The following SCFD2 variants were observed in gnomAD, a reference collection of about 807,000 sequenced individuals.
The protein encoded by SCFD2 is sec1 family domain containing 2.
SCFD2 carries 54 observed loss-of-function variants against 58.9 expected under a neutral mutation model. That is an observed-to-expected ratio of 0.92 (90% CI 0.74 to 1.15). The LOEUF (loss-of-function observed/expected upper bound fraction) is 1.15, where lower values mean the gene tolerates loss of function less well. Among genes scored for constraint, SCFD2 ranks in the 50% most tolerant of loss-of-function variants. SCFD2 has a pLI of 0.00. For missense variants in SCFD2, 805 were observed against 836.6 expected (o/e 0.96, Z 0.47); for synonymous variants, 321 against 335.9 (o/e 0.96, Z 0.49).
chr4:53,232,867 T>A (rs1444111245), intron 4 of SCFD2, among the ~76,000 whole-genome samples: 1 of 152,170 alleles, frequency 6.6e-6, no homozygotes, highest in Non-Finnish European at 1.5e-5. Context: ...GTGAGTCCTT[T>A]AACTTCAAAG....
chr4:53,209,368 C>T (rs1405447489), intron 4 of SCFD2, among the ~76,000 whole-genome samples: 2 of 152,028 alleles, frequency 1.3e-5, no homozygotes, highest in Non-Finnish European at 1.5e-5. Context: ...CTCAATGTAT[C>T]CTTAGGGAAC....
At chr4:53,166,377 A>C (rs1276556681) in intron 4 of SCFD2, among the ~76,000 whole-genome samples, 1 of 152,246 alleles carries the variant, frequency 6.6e-6, no homozygotes, top group Non-Finnish European at 1.5e-5. Flanking sequence ...TGTGGCAAAA[A>C]GGAAAAAAAA....
intron 3 of SCFD2, among the ~76,000 whole-genome samples, chr4:53,290,536 A>G (rs1731806355): frequency 6.6e-6 from 1 of 152,120 alleles, no homozygotes; most frequent in Non-Finnish European, 1.5e-5. Context: ...CGAAATAAAT[A>G]GCCTAACATT....
At chr4:53,271,302 AACACACACACACGC>A in intron 4 of SCFD2, among the ~76,000 whole-genome samples, 1 of 150,046 alleles carries the variant, frequency 6.7e-6, no homozygotes, top group African/African-American at 2.4e-5. Flanking sequence ...ACACACATAC[AACACACACACACGC>A]ACACACACAC....
intron 5 of SCFD2, among the ~76,000 whole-genome samples, chr4:52,965,996 G>A (rs1720954604): frequency 6.6e-6 from 1 of 152,162 alleles, no homozygotes; most frequent in Non-Finnish European, 1.5e-5. Context: ...ACTTGGATCT[G>A]ATTGATAAAG....
chr4:52,987,238 G>C lies in SCFD2; in HGVS notation c.1562-66368C>G, dbSNP rs1341469697. Among the ~76,000 whole-genome samples the C allele has an allele frequency of 4.0e-5, 6 of 151,850 alleles. No homozygotes were observed. The East Asian group carries it at 1.2e-3, about 30-fold the overall frequency. ...AGAGACGGGGTTTCACCGTGGTCAC[G>C]ATCTCCTGTCCTCGTGATCCGCCCG... On this transcript the variant is annotated intron_variant, in intron 5 of 8. Coordinates refer to ENST00000401642, the MANE Select transcript of SCFD2 (RefSeq NM_152540.4).
At chr4:52,893,052 A>G (rs1718915071) in intron 7 of SCFD2, among the ~76,000 whole-genome samples, 1 of 152,236 alleles carries the variant, frequency 6.6e-6, no homozygotes, top group Non-Finnish European at 1.5e-5. Flanking sequence ...GGTTTCAAAT[A>G]GTGTTGCAAA....
intron 4 of SCFD2, among the ~76,000 whole-genome samples, chr4:53,188,646 G>A (rs1727807537): frequency 6.6e-6 from 1 of 152,098 alleles, no homozygotes; most frequent in Admixed American, 6.6e-5. Flanking sequence ...GATTCCCAAA[G>A]TAAACAGTAG....
chr4:53,322,803 A>T (rs773042676), intron 2 of SCFD2, among the ~76,000 whole-genome samples: 16 of 152,322 alleles, frequency 1.1e-4, no homozygotes, highest in Middle Eastern at 3.4e-3. Context: ...CAGTACACAG[A>T]TCAGCACTTG....
chr4:53,015,224 T>C (rs1341706508), intron 5 of SCFD2, among the ~76,000 whole-genome samples: 2 of 152,140 alleles, frequency 1.3e-5, no homozygotes, highest in Non-Finnish European at 2.9e-5. Context: ...AGACTAACCA[T>C]ATACTTGGAT....
At chr4:53,026,541 A>G (rs1219635761) in intron 5 of SCFD2, among the ~76,000 whole-genome samples, 1 of 152,236 alleles carries the variant, frequency 6.6e-6, no homozygotes. Context: ...CAAGGATATC[A>G]GAGCCATGTT....
chr4:53,313,296 G>A (rs1577959101), intron 3 of SCFD2, among the ~76,000 whole-genome samples: 2 of 152,132 alleles, frequency 1.3e-5, no homozygotes. Context: ...GGGGTAATAG[G>A]GGAAGAATGG....
intron 7 of SCFD2, among the ~76,000 whole-genome samples, chr4:52,889,122 C>G (rs1477233429): frequency 6.6e-6 from 1 of 152,218 alleles, no homozygotes; most frequent in African/African-American, 2.4e-5. Flanking sequence ...TTATCAACAT[C>G]TCCTTGATTA....
chr4:52,959,317 A>G (rs925174264), intron 5 of SCFD2, among the ~76,000 whole-genome samples: 1 of 152,030 alleles, frequency 6.6e-6, no homozygotes, highest in African/African-American at 2.4e-5. Flanking sequence ...TCAAAGAGGG[A>G]TGTATGGGCT....
At chr4:53,175,071 T>C (rs1198773211) in intron 4 of SCFD2, among the ~76,000 whole-genome samples, 2 of 152,154 alleles carry the variant, frequency 1.3e-5, no homozygotes, top group Admixed American at 6.5e-5. Flanking sequence ...CCCCCCACAA[T>C]GGCTGCATAC....
chr4:53,126,341 T>C (rs1725627113), intron 5 of SCFD2, among the ~76,000 whole-genome samples: 1 of 152,206 alleles, frequency 6.6e-6, no homozygotes, highest in South Asian at 2.1e-4. Context: ...TTTGTTTGTT[T>C]TGAGACAGAG....
intron 5 of SCFD2, among the ~76,000 whole-genome samples, chr4:53,132,879 T>C (rs1194437030): frequency 6.6e-6 from 1 of 152,206 alleles, no homozygotes; most frequent in Non-Finnish European, 1.5e-5. Flanking sequence ...GTCTTTCAAC[T>C]GGAATACTGT....
chr4:52,994,019 C>T (rs2148796442), intron 5 of SCFD2, among the ~76,000 whole-genome samples: 1 of 152,358 alleles, frequency 6.6e-6, no homozygotes, highest in Non-Finnish European at 1.5e-5. Flanking sequence ...CCGCTCTAGA[C>T]AGCTGGGTTT....
intron 4 of SCFD2, among the ~76,000 whole-genome samples, chr4:53,208,665 A>G (rs1448902596): frequency 6.6e-6 from 1 of 152,222 alleles, no homozygotes; most frequent in Admixed American, 6.5e-5. Flanking sequence ...AGTCAAAGCC[A>G]TATACACCTC....
Sources: allele counts gnomAD v4.1 joint callset (sites outside exome capture counted in the v4.1 genomes callset), GRCh38; gene constraint gnomAD v4.1.1; transcripts MANE v1.5; gene names NCBI Gene and HGNC (gene_info 2026-07-23, HGNC 2026-07-21).